Variants in WASF3 observed in about 807,000 individuals in gnomAD.
WASF3 encodes actin-binding protein WASF3.
In WASF3, 11 loss-of-function variants were observed where a neutral mutation model predicts 46.6. The observed-to-expected ratio is 0.24, with a 90% CI of 0.15 to 0.39. The LOEUF is 0.39. Ranked by LOEUF, WASF3 falls within the 10% of genes least tolerant of loss-of-function variation. WASF3 has a pLI of 1.00. For missense variants in WASF3, 576 were observed against 669.8 expected (o/e 0.86, Z 1.55); for synonymous variants, 242 against 259.7 (o/e 0.93, Z 0.65).
At chr13:26,571,458 G>A (rs1257345763) in intron 1 of WASF3, among the ~76,000 whole-genome samples, 2 of 152,134 alleles carry the variant, frequency 1.3e-5, no homozygotes, top group Non-Finnish European at 2.9e-5. Flanking sequence ...GTCTTCTTCT[G>A]AATAGTGATT....
At chr13:26,564,849 T>C (rs1331518135) in intron 1 of WASF3, among the ~76,000 whole-genome samples, 1 of 150,872 alleles carries the variant, frequency 6.6e-6, no homozygotes, top group Non-Finnish European at 1.5e-5. Flanking sequence ...GTTGCTCTAC[T>C]ACCATCACTT....
At position 26,685,770 on chromosome 13, in the gene WASF3, G is replaced by T. The variant is rs769134582; in HGVS notation, c.1434G>T (p.Leu478=). The T allele has an allele frequency of 6.2e-7, 1 of 1,614,120 alleles. No homozygotes were observed. The highest frequency in any genetic ancestry group is 1.7e-5 in the Admixed American group (1 of 60,012). ...EPVGNDVATI[L]SRRIAVEYSD... ...TGGGGAATGACGTGGCCACGATCCT[G>T]TCCCGGCGCATTGCCGTGGAGTACA... The change falls in exon 10 of 10, where the codon CTG becomes CTT. Residue 478 remains leucine, a synonymous_variant. Transcript: ENST00000335327.
intron 5 of WASF3, among the ~76,000 whole-genome samples, chr13:26,669,091 T>C (rs1308722916): frequency 6.6e-6 from 1 of 152,050 alleles, no homozygotes; most frequent in Non-Finnish European, 1.5e-5. Flanking sequence ...CATGATAAAA[T>C]ATTTGTAGTG....
chr13:26,549,516 T>C, the WASF3 span, among the ~76,000 whole-genome samples: 1 of 152,084 alleles, frequency 6.6e-6, no homozygotes, highest in Non-Finnish European at 1.5e-5. Context: ...ATCACAACGT[T>C]GAGTAAAACA....
At chr13:26,590,815 C>T (rs1008705489) in intron 1 of WASF3, among the ~76,000 whole-genome samples, 1 of 152,122 alleles carries the variant, frequency 6.6e-6, no homozygotes, top group African/African-American at 2.4e-5. Flanking sequence ...CCTGCCCTCA[C>T]AAAGCTGACA....
intron 1 of WASF3, chr13:26,577,043 A>C: frequency 1.4e-6 from 1 of 728,564 alleles, no homozygotes; most frequent in East Asian, 2.5e-5. Context: ...ACCAGGACCC[A>C]AGGAAACAAA....
intron 1 of WASF3, among the ~76,000 whole-genome samples, chr13:26,603,220 C>T (rs1380453863): frequency 6.6e-6 from 1 of 152,110 alleles, no homozygotes; most frequent in African/African-American, 2.4e-5. Flanking sequence ...CTTCTTGTGT[C>T]GGGGCCTGGG....
At chr13:26,645,628 TG>T (rs1363145720) in intron 3 of WASF3, among the ~76,000 whole-genome samples, 1 of 152,178 alleles carries the variant, frequency 6.6e-6, no homozygotes, top group African/African-American at 2.4e-5. Flanking sequence ...AGACATTCTC[TG>T]TTTTAATCTA....
upstream of WASF3, chr13:26,557,665 G>C (rs947061754): frequency 2.5e-5 from 4 of 160,334 alleles, no homozygotes; most frequent in Non-Finnish European, 4.1e-5. Context: ...CCCGCCGGGA[G>C]GGGGCGTGGC....
chr13:26,634,541 G>A (rs1352344275), intron 2 of WASF3, among the ~76,000 whole-genome samples: 2 of 152,154 alleles, frequency 1.3e-5, no homozygotes, highest in Admixed American at 6.5e-5. Flanking sequence ...GATGTTAGCT[G>A]GTTATTTTGA....
intron 3 of WASF3, among the ~76,000 whole-genome samples, chr13:26,652,156 A>C (rs1345496797): frequency 6.6e-6 from 1 of 152,202 alleles, no homozygotes. Context: ...ACTAAAATAC[A>C]TGCATTTTGA....
rs1215682525 is a variant in WASF3 at position 26,676,594 on chromosome 13, A to G, written c.586A>G (p.Arg196Gly). 2 of 1,614,198 alleles carry G rather than the reference A, an allele frequency of 1.2e-6. No homozygotes were observed. The highest frequency in any genetic ancestry group is 1.7e-6 in the Non-Finnish European group (2 of 1,180,028). Reference protein sequence around the residue: ...DGTTREVKKVRKARNRRQEWN... With the variant: ...DGTTREVKKVGKARNRRQEWN... ...CACCACCCGTGAGGTGAAAAAGGTT[A>G]GAAAAGCCAGAAACAGGCGCCAGGA... The change falls in exon 7 of 10, where the codon AGA becomes GGA. Residue 196 changes from arginine (R) to glycine (G), a missense_variant. By Grantham distance (125) the Arg-to-Gly change is moderately radical (BLOSUM62 -2). Coordinates refer to ENST00000335327, the MANE Select transcript of WASF3 (RefSeq NM_006646.6).
chr13:26,609,478 T>TC (rs1039217143), intron 1 of WASF3: 12 of 147,428 alleles, frequency 8.1e-5, no homozygotes, highest in African/African-American at 3.0e-4. Context: ...AAAAAGACTT[T>TC]TTTTTTTTTT....
the WASF3 span, among the ~76,000 whole-genome samples, chr13:26,546,112 T>C: frequency 6.6e-6 from 1 of 152,202 alleles, no homozygotes; most frequent in African/African-American, 2.4e-5. Flanking sequence ...TCATACATAA[T>C]TTAGGATTTT....
At chr13:26,580,755 A>G (rs1412787461) in intron 1 of WASF3, among the ~76,000 whole-genome samples, 1 of 151,302 alleles carries the variant, frequency 6.6e-6, no homozygotes, top group Non-Finnish European at 1.5e-5. Flanking sequence ...CCTCCCGAGT[A>G]GCTGGGATTA....
intron 2 of WASF3, among the ~76,000 whole-genome samples, chr13:26,633,298 G>A (rs573171763): frequency 1.6e-4 from 23 of 146,788 alleles, no homozygotes; most frequent in Non-Finnish European, 3.3e-4. Context: ...TGCCTCCCGG[G>A]TTCAAGCAAT....
intron 2 of WASF3, among the ~76,000 whole-genome samples, chr13:26,636,828 G>T (rs1465881721): frequency 4.6e-5 from 7 of 152,182 alleles, no homozygotes; most frequent in African/African-American, 1.7e-4. Flanking sequence ...TCACAGGTGT[G>T]TTGCCCCCAG....
At chr13:26,665,250 G>A (rs1489028905) in intron 4 of WASF3, 88 bp downstream of exon 4, 1 of 1,454,424 alleles carries the variant, frequency 6.9e-7, no homozygotes, top group East Asian at 2.3e-5. Flanking sequence ...CTTTTTCCTT[G>A]GGATGGCATG....
chr13:26,597,880 C>G (rs933944420), intron 1 of WASF3, among the ~76,000 whole-genome samples: 2 of 152,064 alleles, frequency 1.3e-5, no homozygotes, highest in African/African-American at 4.8e-5. Flanking sequence ...GGACATTTGG[C>G]CTGGTTCCAA....
Sources: gnomAD v4.1 joint callset for allele counts (sites outside exome capture counted in the v4.1 genomes callset) on GRCh38, gnomAD v4.1.1 for gene constraint, MANE v1.5 for transcripts, NCBI Gene and HGNC (gene_info 2026-07-23, HGNC 2026-07-21) for gene names.